NUP62CL: variants seen among roughly 807,000 people sequenced by gnomAD.
NUP62CL encodes the protein nucleoporin-62 C-terminal-like protein.
Under a neutral mutation model 15.3 loss-of-function variants are expected in NUP62CL, and 13 were observed. That is an observed-to-expected ratio of 0.85 (90% CI 0.55 to 1.35). NUP62CL has a LOEUF of 1.35. Ranked by LOEUF, NUP62CL falls within the 40% of genes most tolerant of loss-of-function variation. The pLI is 0.00. For missense variants in NUP62CL, 123 were observed against 130.6 expected (o/e 0.94, Z 0.28); for synonymous variants, 54 against 49.2 (o/e 1.10, Z -0.41).
intron 7 of NUP62CL, among the ~76,000 whole-genome samples, chrX:107,148,291 T>C (rs756849751): frequency 4.5e-5 from 5 of 111,836 alleles, no homozygotes; most frequent in African/African-American, 1.6e-4. Context: ...CTTTAAAATA[T>C]TCATACCTTT....
At chrX:107,194,842 G>A (rs879039832) in intron 1 of NUP62CL, among the ~76,000 whole-genome samples, 39 of 77,508 alleles carry the variant, frequency 5.0e-4, no homozygotes, top group Non-Finnish European at 7.6e-4. Flanking sequence ...TTTTTGAGAC[G>A]GTCTCCTTCA....
Position 107,129,406 on chromosome X carries a change from A to G in NUP62CL, c.*43-5074T>C, listed in dbSNP as rs376755013. ...AAATAAGCTGTGGATCAGGGACACC[A>G]GGCAGAGCAGAGGGCAAGTATTCTG... On this transcript the variant is annotated intron_variant, in intron 8 of 8. Coordinates refer to ENST00000372466, the MANE Select transcript of NUP62CL (RefSeq NM_017681.3). Among the ~76,000 whole-genome samples, 321 of 111,984 alleles carry G rather than the reference A, an allele frequency of 2.9e-3. 2 individuals are homozygous for G. Among genetic ancestry groups the G allele is most frequent in the African/African-American group, 9.9e-3 (304 of 30,838 alleles).
At chrX:107,157,530 G>C (rs1313453836) in intron 4 of NUP62CL, among the ~76,000 whole-genome samples, 3 of 105,585 alleles carry the variant, frequency 2.8e-5, no homozygotes, top group African/African-American at 6.9e-5. Context: ...GCCAAACTAA[G>C]CTTCATAAGT....
chrX:107,162,747 T>G (rs750681068), intron 4 of NUP62CL, among the ~76,000 whole-genome samples: 1 of 112,006 alleles, frequency 8.9e-6, no homozygotes, highest in African/African-American at 3.2e-5. Flanking sequence ...GAACATCATA[T>G]AAAGCAGCGA....
rs1925328401 is a variant in NUP62CL at position 107,124,038 on chromosome X, C to CAA, written c.*335_*336dup. The CAA allele has an allele frequency of 4.5e-6, 1 of 222,923 alleles. No individual in the cohort carries two copies. Among genetic ancestry groups the CAA allele is most frequent in the African/African-American group, 3.0e-5 (1 of 33,047 alleles). 18.4% of individuals were successfully genotyped at this position (222,923 alleles called of 1,213,427 possible). On this transcript the variant is annotated 3_prime_UTR_variant, in exon 9 of 9. Transcript: ENST00000372466. Reference sequence around the variant, plus strand: ...AGCATCTAAGAGGTTGCTGTCTGGACAAAGGGGCTAGTATAATTTTGATTT... The same window carrying CAA: ...AGCATCTAAGAGGTTGCTGTCTGGACAAAAAGGGGCTAGTATAATTTTGATTT...
At chrX:107,205,650 C>T (rs751944000) in intron 1 of NUP62CL, among the ~76,000 whole-genome samples, 3 of 111,533 alleles carry the variant, frequency 2.7e-5, no homozygotes. Flanking sequence ...TTGATCATGG[C>T]TAATCAGTCC....
At chrX:107,181,679 T>C (rs900814412) in intron 2 of NUP62CL, among the ~76,000 whole-genome samples, 3 of 111,686 alleles carry the variant, frequency 2.7e-5, no homozygotes, top group Non-Finnish European at 3.8e-5. Context: ...GAGAATTGCA[T>C]GAAATGTATA....
intron 2 of NUP62CL, among the ~76,000 whole-genome samples, chrX:107,188,672 A>T (rs1203260721): frequency 8.9e-6 from 1 of 111,831 alleles, no homozygotes; most frequent in African/African-American, 3.3e-5. Flanking sequence ...AAAGGAAGAA[A>T]TGAAACTATA....
intron 4 of NUP62CL, among the ~76,000 whole-genome samples, chrX:107,154,713 C>CA (rs1459344076): frequency 3.6e-5 from 4 of 111,544 alleles, no homozygotes; most frequent in Non-Finnish European, 7.5e-5. Context: ...ATTCCCCTGC[C>CA]AAGTGGTATC....
At chrX:107,157,432 A>C (rs1412619908) in intron 4 of NUP62CL, among the ~76,000 whole-genome samples, 1 of 107,215 alleles carries the variant, frequency 9.3e-6, no homozygotes, top group Admixed American at 1.0e-4. Context: ...CGGATCTCTC[A>C]GCAGAAACCC....
intron 2 of NUP62CL, among the ~76,000 whole-genome samples, chrX:107,187,001 A>G (rs1249596471): frequency 8.9e-6 from 1 of 112,547 alleles, no homozygotes; most frequent in Non-Finnish European, 1.9e-5. Flanking sequence ...AAGAATTAAA[A>G]TGATACAGAG....
At chrX:107,203,335 C>T (rs760965589) in intron 1 of NUP62CL, among the ~76,000 whole-genome samples, 1 of 108,278 alleles carries the variant, frequency 9.2e-6, no homozygotes, top group South Asian at 4.2e-4. Context: ...CCCCAACCTC[C>T]CATGCTCAAG....
At position 107,154,166 on chromosome X, in the gene NUP62CL, TC is replaced by T. The variant is rs1399943781; in HGVS notation, c.274del (p.Glu92ArgfsTer18). The T allele has an allele frequency of 1.7e-6, 2 of 1,203,524 alleles. No individual in the cohort carries two copies. The highest frequency in any genetic ancestry group is 3.5e-5 in the African/African-American group (2 of 56,953). On this transcript the variant is annotated frameshift_variant, in exon 5 of 9. Transcript: ENST00000372466. LOFTEE classifies it high-confidence loss of function. ...AGTGGCCTGGAGAAGAAAGTACTTCTCTTGATCTTCCAGCTCAAGGTTCCAC... is the reference window on the plus strand; with the variant it reads ...AGTGGCCTGGAGAAGAAAGTACTTCTTTGATCTTCCAGCTCAAGGTTCCAC... ...NEWNLELEDQ[E>X]KYFLLQATQV...
At chrX:107,148,785 C>T (rs1925943042) in intron 7 of NUP62CL, among the ~76,000 whole-genome samples, 1 of 110,534 alleles carries the variant, frequency 9.0e-6, no homozygotes, top group Non-Finnish European at 1.9e-5. Context: ...CATTGCCGCT[C>T]ACAAAAAAAG....
chrX:107,201,880 A>G (rs992620304), intron 1 of NUP62CL, among the ~76,000 whole-genome samples: 19 of 111,323 alleles, frequency 1.7e-4, no homozygotes, highest in Non-Finnish European at 3.0e-4. Flanking sequence ...GGAGGTTGCA[A>G]TGAGCCAAGA....
chrX:107,127,549 T>A (rs1289973659), intron 8 of NUP62CL, among the ~76,000 whole-genome samples: 1 of 112,167 alleles, frequency 8.9e-6, no homozygotes, highest in African/African-American at 3.2e-5. Flanking sequence ...ACTTAGCCTT[T>A]TGCAAATACT....
chrX:107,148,849 C>T (rs1483222067), intron 7 of NUP62CL, among the ~76,000 whole-genome samples: 1 of 111,498 alleles, frequency 9.0e-6, no homozygotes, highest in African/African-American at 3.3e-5. Context: ...CACATAGCTC[C>T]TATTTTTCTA....
intron 7 of NUP62CL, among the ~76,000 whole-genome samples, chrX:107,149,007 C>G (rs1925949397): frequency 9.0e-6 from 1 of 111,556 alleles, no homozygotes; most frequent in Admixed American, 9.6e-5. Context: ...TGATCTCTTT[C>G]TTCTTTTATT....
chrX:107,172,224 G>A (rs1261611070), intron 3 of NUP62CL, among the ~76,000 whole-genome samples: 1 of 107,958 alleles, frequency 9.3e-6, no homozygotes, highest in Non-Finnish European at 1.9e-5. Context: ...CAGGTACTCA[G>A]AAGGCTGAGG....
Sources: allele counts gnomAD v4.1 joint callset (sites outside exome capture counted in the v4.1 genomes callset), GRCh38; gene constraint gnomAD v4.1.1; transcripts MANE v1.5; gene names NCBI Gene and HGNC (gene_info 2026-07-23, HGNC 2026-07-21).